The following EPHA6 variants were observed in gnomAD, a reference collection of about 807,000 sequenced individuals.
EPHA6 encodes the protein ephrin type-A receptor 6.
EPHA6 carries 50 observed loss-of-function variants against 112.0 expected under a neutral mutation model. The observed-to-expected ratio is 0.45, with a 90% CI of 0.36 to 0.56. The LOEUF is 0.56. Ranked by LOEUF, EPHA6 falls within the 20% of genes least tolerant of loss-of-function variation. EPHA6 has a pLI of 0.00. For missense variants in EPHA6, 1,280 were observed against 1,417.4 expected, an observed-to-expected ratio of 0.90 and a Z score of 1.56; for synonymous variants, 529 against 490.7, an observed-to-expected ratio of 1.08 and a Z score of -1.03.
At chr3:97,514,078 C>T (rs2092408446) in intron 10 of EPHA6, among the ~76,000 whole-genome samples, 1 of 152,154 alleles carries the variant, frequency 6.6e-6, no homozygotes, top group African/African-American at 2.4e-5. Flanking sequence ...AAGTTAGTGG[C>T]CTTAAAAAAC....
intron 10 of EPHA6, among the ~76,000 whole-genome samples, chr3:97,531,770 T>C (rs1015105935): frequency 6.6e-6 from 1 of 152,090 alleles, no homozygotes; most frequent in Non-Finnish European, 1.5e-5. Flanking sequence ...ATGGAGACAA[T>C]GCTGAAACAT....
intron 2 of EPHA6, among the ~76,000 whole-genome samples, chr3:96,910,756 C>T (rs963886032): frequency 6.6e-6 from 1 of 151,960 alleles, no homozygotes; most frequent in African/African-American, 2.4e-5. Flanking sequence ...AATAGTCTTC[C>T]CAATTCATCA....
At chr3:97,204,357 C>T (rs1559796651) in intron 3 of EPHA6, among the ~76,000 whole-genome samples, 1 of 152,124 alleles carries the variant, frequency 6.6e-6, no homozygotes, top group South Asian at 2.1e-4. Flanking sequence ...TAGCACTTAC[C>T]ATGTACTAGG....
chr3:97,415,794 A>C (rs984724339), intron 6 of EPHA6, among the ~76,000 whole-genome samples: 3 of 152,098 alleles, frequency 2.0e-5, no homozygotes, highest in Non-Finnish European at 4.4e-5. Context: ...AAGCTCCCTG[A>C]AAAAATTACT....
At chr3:97,625,772 T>C (rs1180707410) in intron 13 of EPHA6, among the ~76,000 whole-genome samples, 3 of 151,738 alleles carry the variant, frequency 2.0e-5, no homozygotes, top group South Asian at 2.1e-4. Context: ...GGACTATGTA[T>C]ACACTGAAAA....
At position 97,619,711 on chromosome 3, in the gene EPHA6, G is replaced by A. The variant is rs144646306; in HGVS notation, c.2574+8857G>A. Among the ~76,000 whole-genome samples the A allele has an allele frequency of 2.2e-3, 335 of 152,102 alleles. 2 individuals are homozygous for A. Among genetic ancestry groups the A allele is most frequent in the African/African-American group, 7.8e-3 (325 of 41,516 alleles). ...ACACCTAGGAATACATCTAACAAGG[G>A]AAGTGAAAGATCTCTACAAGGAAAA... On this transcript the variant is annotated intron_variant, in intron 13 of 17. Transcript: ENST00000389672.
chr3:97,437,935 T>C (rs1176580147), intron 6 of EPHA6, among the ~76,000 whole-genome samples: 1 of 152,194 alleles, frequency 6.6e-6, no homozygotes, highest in Non-Finnish European at 1.5e-5. Context: ...TTTCTGAGTT[T>C]TTTCTATCCG....
At chr3:96,984,475 C>T (rs1196640558) in intron 2 of EPHA6, among the ~76,000 whole-genome samples, 3 of 152,188 alleles carry the variant, frequency 2.0e-5, no homozygotes, top group African/African-American at 7.2e-5. Context: ...TGGGGGGTGC[C>T]TCCCAGTTAG....
intron 3 of EPHA6, among the ~76,000 whole-genome samples, chr3:97,208,547 A>G (rs2077776113): frequency 6.6e-6 from 1 of 152,030 alleles, no homozygotes; most frequent in East Asian, 1.9e-4. Flanking sequence ...GGAGTTCAAG[A>G]CCAGCTTGGG....
intron 2 of EPHA6, among the ~76,000 whole-genome samples, chr3:96,911,289 A>G (rs1257418335): frequency 6.6e-6 from 1 of 152,042 alleles, no homozygotes; most frequent in Non-Finnish European, 1.5e-5. Flanking sequence ...TTCTATTTCT[A>G]TTCATTCAAA....
In EPHA6 at chr3:96,967,181, T is replaced by TACACACACACAC. The variant is rs144463079; in HGVS notation, c.451-20134_451-20123dup. Among the ~76,000 whole-genome samples, 6 of 146,100 alleles carry TACACACACACAC rather than the reference T, an allele frequency of 4.1e-5. 1 individual carries two copies. The highest frequency in any genetic ancestry group is 1.5e-4 in the African/African-American group (6 of 40,220). Reference sequence around the variant, plus strand: ...TGTGAGTGTGCTTCAATGCTATGAATACACACACACACACACACACACACA... The same window carrying TACACACACACAC: ...TGTGAGTGTGCTTCAATGCTATGAATACACACACACACACACACACACACACACACACACACA... On this transcript the variant is annotated intron_variant, in intron 2 of 17. Transcript: ENST00000389672.
chr3:96,878,672 T>C (rs2037121496), intron 2 of EPHA6, among the ~76,000 whole-genome samples: 1 of 152,070 alleles, frequency 6.6e-6, no homozygotes, highest in Non-Finnish European at 1.5e-5. Flanking sequence ...CCCCCAGCTA[T>C]GTTATGTCTA....
chr3:97,018,331 G>C (rs1210767802), intron 3 of EPHA6, among the ~76,000 whole-genome samples: 1 of 152,024 alleles, frequency 6.6e-6, no homozygotes, highest in Non-Finnish European at 1.5e-5. Flanking sequence ...AAAGACACAA[G>C]ACAAAGAGAT....
intron 3 of EPHA6, among the ~76,000 whole-genome samples, chr3:97,115,133 G>T (rs894814193): frequency 2.0e-5 from 3 of 151,928 alleles, no homozygotes; most frequent in Admixed American, 1.3e-4. Flanking sequence ...AATAATTTTA[G>T]TCTGTATTTA....
chr3:97,186,125 C>T (rs143128782), intron 3 of EPHA6, among the ~76,000 whole-genome samples: 1 of 152,012 alleles, frequency 6.6e-6, no homozygotes, highest in Non-Finnish European at 1.5e-5. Context: ...TGACGCGTTA[C>T]TGGGTGCAGC....
chr3:96,897,508 C>T (rs1559810889), intron 2 of EPHA6, among the ~76,000 whole-genome samples: 1 of 152,114 alleles, frequency 6.6e-6, no homozygotes, highest in Non-Finnish European at 1.5e-5. Context: ...TAGGCTGAGT[C>T]GTCTGTTCAG....
At chr3:97,409,400 A>G (rs562478324) in intron 6 of EPHA6, among the ~76,000 whole-genome samples, 16 of 152,234 alleles carry the variant, frequency 1.1e-4, no homozygotes, top group Admixed American at 3.9e-4. Flanking sequence ...ATGTTTGAGG[A>G]AAATGTTATT....
chr3:97,501,231 T>C (rs760675070), intron 10 of EPHA6, among the ~76,000 whole-genome samples: 11 of 152,178 alleles, frequency 7.2e-5, no homozygotes, highest in Non-Finnish European at 1.3e-4. Context: ...CTGGAGGATC[T>C]GAATGATACA....
intron 14 of EPHA6, among the ~76,000 whole-genome samples, chr3:97,707,787 A>AT (rs1374324873): frequency 4.6e-5 from 7 of 152,088 alleles, no homozygotes; most frequent in Admixed American, 3.9e-4. Flanking sequence ...TGTTGTTCTC[A>AT]TGATAGTGAG....
Sources: allele counts gnomAD v4.1 joint callset (sites outside exome capture counted in the v4.1 genomes callset), GRCh38; gene constraint gnomAD v4.1.1; transcripts MANE v1.5; gene names NCBI Gene and HGNC (gene_info 2026-07-23, HGNC 2026-07-21).